Variants in SEMA6D observed in about 807,000 individuals in gnomAD.
SEMA6D encodes the protein semaphorin 6D, also known as semaphorin-6D.
In SEMA6D, 35 loss-of-function variants were observed where a neutral mutation model predicts 106.6. That is an observed-to-expected ratio of 0.33 (90% CI 0.25 to 0.44). The LOEUF (loss-of-function observed/expected upper bound fraction) is 0.44. Ranked by LOEUF, SEMA6D falls within the 20% of genes least tolerant of loss-of-function variation. SEMA6D has a pLI of 1.00. For synonymous variants in SEMA6D, 499 were observed against 487.7 expected (o/e 1.02, Z -0.31); for missense variants, 1,185 against 1,345.9 (o/e 0.88, Z 1.87).
At chr15:47,474,285 A>C (rs926254135) in intron 3 of SEMA6D, among the ~76,000 whole-genome samples, 1 of 152,252 alleles carries the variant, frequency 6.6e-6, no homozygotes, top group Non-Finnish European at 1.5e-5. Flanking sequence ...TGGAGTCAGA[A>C]TATCTTAGCC....
chr15:47,457,308 C>T (rs1335441814), intron 2 of SEMA6D, among the ~76,000 whole-genome samples: 1 of 151,794 alleles, frequency 6.6e-6, no homozygotes, highest in Non-Finnish European at 1.5e-5. Context: ...CCAATACAGA[C>T]TTACTTATAC....
At chr15:47,747,517 G>C (rs2081210799) in intron 1 of SEMA6D, among the ~76,000 whole-genome samples, 1 of 152,136 alleles carries the variant, frequency 6.6e-6, no homozygotes, top group African/African-American at 2.4e-5. Flanking sequence ...TTAATTTTCA[G>C]AAAACTTAAG....
chr15:47,742,582 G>T lies in SEMA6D; in HGVS notation c.-54-17163G>T, dbSNP rs537647008. On this transcript the variant is annotated intron_variant, in intron 1 of 18. Transcript: ENST00000536845. ...AACCAGGCCAGGCCTGTTGGGCTGG[G>T]GTTGTGTTTGTACTAACGGCTGCTT... is the stretch of plus-strand genomic sequence containing the variant. Among the ~76,000 whole-genome samples the T allele has an allele frequency of 2.6e-4, 40 of 152,320 alleles. 1 individual carries two copies. The South Asian group carries it at 8.1e-3, about 31-fold the overall frequency.
chr15:47,237,331 T>TGGAA (rs2032613618), intron 1 of SEMA6D, among the ~76,000 whole-genome samples: 1 of 152,154 alleles, frequency 6.6e-6, no homozygotes, highest in Non-Finnish European at 1.5e-5. Context: ...TTATTCCACT[T>TGGAA]AAATGATCAC....
At chr15:47,516,205 C>T (rs1367823332) in intron 3 of SEMA6D, among the ~76,000 whole-genome samples, 2 of 152,160 alleles carry the variant, frequency 1.3e-5, no homozygotes, top group African/African-American at 4.8e-5. Flanking sequence ...GCCATGGTGA[C>T]TTATTTTGGC....
chr15:47,374,160 T>C (rs1454181060), intron 1 of SEMA6D, among the ~76,000 whole-genome samples: 2 of 152,216 alleles, frequency 1.3e-5, no homozygotes, highest in Admixed American at 6.5e-5. Context: ...TAATAACGAC[T>C]TCTCTGTATT....
chr15:47,483,398 A>G (rs1186108305), intron 3 of SEMA6D, among the ~76,000 whole-genome samples: 1 of 152,146 alleles, frequency 6.6e-6, no homozygotes, highest in Non-Finnish European at 1.5e-5. Flanking sequence ...TGATGAGGAC[A>G]GAACATTTGG....
chr15:47,366,348 C>T (rs1253746124), intron 1 of SEMA6D, among the ~76,000 whole-genome samples: 1 of 152,186 alleles, frequency 6.6e-6, no homozygotes, highest in Admixed American at 6.5e-5. Context: ...CAGTGTGAAC[C>T]TGCAAAGCCA....
chr15:47,445,252 T>G, intron 2 of SEMA6D, among the ~76,000 whole-genome samples: 1 of 152,032 alleles, frequency 6.6e-6, no homozygotes, highest in East Asian at 1.9e-4. Flanking sequence ...AAAAGAGGAA[T>G]GCATGTTCTC....
At chr15:47,337,301 T>A (rs1343739095) in intron 1 of SEMA6D, among the ~76,000 whole-genome samples, 2 of 152,110 alleles carry the variant, frequency 1.3e-5, no homozygotes, top group Non-Finnish European at 2.9e-5. Flanking sequence ...AGGCACAAAA[T>A]GCCAATAAAA....
At chr15:47,397,003 T>C (rs2040233589) in intron 1 of SEMA6D, among the ~76,000 whole-genome samples, 1 of 152,180 alleles carries the variant, frequency 6.6e-6, no homozygotes, top group Non-Finnish European at 1.5e-5. Context: ...ATTAAGGATA[T>C]TTCAAGACCA....
chr15:47,762,942 A>G, intron 8 of SEMA6D, 74 bp from the exon 9 acceptor site: 3 of 1,098,370 alleles, frequency 2.7e-6, no homozygotes, highest in Non-Finnish European at 3.9e-6. Context: ...TCTGTCAGTC[A>G]TGCTTTGCAG....
intron 1 of SEMA6D, among the ~76,000 whole-genome samples, chr15:47,270,959 G>GATTT (rs1308258720): frequency 6.6e-6 from 1 of 151,922 alleles, no homozygotes; most frequent in Non-Finnish European, 1.5e-5. Context: ...AAAAAATATA[G>GATTT]ATATAACAAA....
chr15:47,503,479 G>C (rs2043926428), intron 3 of SEMA6D, among the ~76,000 whole-genome samples: 1 of 152,180 alleles, frequency 6.6e-6, no homozygotes, highest in Admixed American at 6.5e-5. Flanking sequence ...CTATGGGCTG[G>C]TCGCAGTTCC....
intron 2 of SEMA6D, among the ~76,000 whole-genome samples, chr15:47,468,366 A>G (rs1234536074): frequency 6.6e-6 from 1 of 152,212 alleles, no homozygotes; most frequent in African/African-American, 2.4e-5. Flanking sequence ...AATGGTGTGG[A>G]AACAAGTGTC....
At chr15:47,697,195 C>G (rs1287847651) in intron 4 of SEMA6D, among the ~76,000 whole-genome samples, 1 of 152,206 alleles carries the variant, frequency 6.6e-6, no homozygotes, top group Non-Finnish European at 1.5e-5. Context: ...CAATGCACAT[C>G]TGTCAACTTG....
At chr15:47,486,387 T>C (rs1475328603) in intron 3 of SEMA6D, among the ~76,000 whole-genome samples, 1 of 152,218 alleles carries the variant, frequency 6.6e-6, no homozygotes, top group Non-Finnish European at 1.5e-5. Flanking sequence ...GAGAGCACTG[T>C]AGGCAAAGGT....
At chr15:47,552,837 T>C (rs1367815058) in intron 3 of SEMA6D, among the ~76,000 whole-genome samples, 2 of 82,350 alleles carry the variant, frequency 2.4e-5, no homozygotes, top group Non-Finnish European at 4.0e-5. Flanking sequence ...TTTTTATATA[T>C]ATATAAATAT....
At chr15:47,384,122 C>T (rs1384158415) in intron 1 of SEMA6D, among the ~76,000 whole-genome samples, 1 of 152,160 alleles carries the variant, frequency 6.6e-6, no homozygotes, top group Non-Finnish European at 1.5e-5. Flanking sequence ...AGTTTTCCCA[C>T]AAATCAGAAT....
Sources: allele counts gnomAD v4.1 joint callset (sites outside exome capture counted in the v4.1 genomes callset), GRCh38; gene constraint gnomAD v4.1.1; transcripts MANE v1.5; gene names NCBI Gene and HGNC (gene_info 2026-07-23, HGNC 2026-07-21).